The following KCNMA1 variants were observed in gnomAD, a reference collection of about 807,000 sequenced individuals.
KCNMA1 encodes the protein Calcium-activated potassium channel subunit alpha-1.
In KCNMA1, 29 loss-of-function variants were observed where a neutral mutation model predicts 140.0. The ratio of observed to expected loss-of-function variants is 0.21; its 90% CI spans 0.15 to 0.28. KCNMA1 has a LOEUF of 0.28. Among genes scored for constraint, KCNMA1 ranks in the 10% least tolerant of loss-of-function variants. The probability of loss-of-function intolerance (pLI) is 1.00; values close to 1 mark genes in which losing one functional copy is unlikely to be tolerated. For missense variants in KCNMA1, 880 were observed against 1,602.2 expected, an observed-to-expected ratio of 0.55 and a Z score of 7.70; for synonymous variants, 612 against 611.9, an observed-to-expected ratio of 1.00 and a Z score of 0.00.
intron 1 of KCNMA1, among the ~76,000 whole-genome samples, chr10:77,474,923 C>T (rs528086658): frequency 6.6e-6 from 1 of 152,232 alleles, no homozygotes; most frequent in South Asian, 2.1e-4. Context: ...CCAGGACTAA[C>T]AATTTTGCCC....
intron 18 of KCNMA1, among the ~76,000 whole-genome samples, chr10:77,005,185 T>C (rs555519305): frequency 1.2e-4 from 19 of 152,228 alleles, no homozygotes; most frequent in Admixed American, 3.9e-4. Flanking sequence ...CTAGCCTTTC[T>C]CCAAAAGGAG....
chr10:77,004,865 A>G (rs1215320905), intron 18 of KCNMA1, among the ~76,000 whole-genome samples: 3 of 152,144 alleles, frequency 2.0e-5, no homozygotes, highest in Non-Finnish European at 2.9e-5. Context: ...TTTAGGTTAG[A>G]AGGTTAATTT....
At chr10:77,317,244 G>A (rs144112210) in intron 2 of KCNMA1, among the ~76,000 whole-genome samples, 10 of 152,246 alleles carry the variant, frequency 6.6e-5, no homozygotes, top group Non-Finnish European at 8.8e-5. Context: ...CTGACTCACC[G>A]AATGTAGTCT....
chr10:77,535,299 A>C (rs781363794), intron 1 of KCNMA1, among the ~76,000 whole-genome samples: 2 of 152,206 alleles, frequency 1.3e-5, no homozygotes, highest in Admixed American at 6.5e-5. Context: ...GATTTGGTCC[A>C]AGAAGTTTAT....
chr10:76,928,663 A>T (rs2058449389), intron 23 of KCNMA1, among the ~76,000 whole-genome samples: 1 of 150,526 alleles, frequency 6.6e-6, no homozygotes, highest in South Asian at 2.1e-4. Context: ...ATGGCTAAAG[A>T]TAAAGTATGG....
At chr10:77,015,892 T>C (rs1232965376) in intron 17 of KCNMA1, among the ~76,000 whole-genome samples, 2 of 152,288 alleles carry the variant, frequency 1.3e-5, no homozygotes, top group Non-Finnish European at 2.9e-5. Flanking sequence ...ATCTCTCACC[T>C]AAACTATGCA....
At chr10:77,620,847 C>T (rs2091135761) in intron 1 of KCNMA1, among the ~76,000 whole-genome samples, 1 of 152,132 alleles carries the variant, frequency 6.6e-6, no homozygotes, top group Admixed American at 6.5e-5. Flanking sequence ...CTAGAAAAGA[C>T]AATGTATATG....
chr10:76,994,601 G>A (rs1034056660), intron 19 of KCNMA1, among the ~76,000 whole-genome samples: 1 of 152,158 alleles, frequency 6.6e-6, no homozygotes, highest in Non-Finnish European at 1.5e-5. Flanking sequence ...AGCCTCAAAA[G>A]AGAAACATAA....
intron 1 of KCNMA1, among the ~76,000 whole-genome samples, chr10:77,449,054 T>C (rs1209936812): frequency 2.7e-5 from 4 of 148,506 alleles, no homozygotes; most frequent in Non-Finnish European, 5.9e-5. Flanking sequence ...ATCACTGCAC[T>C]CCAGCCTGGG....
At chr10:77,024,926 G>A (rs536012134) in intron 16 of KCNMA1, among the ~76,000 whole-genome samples, 53 of 152,064 alleles carry the variant, frequency 3.5e-4, no homozygotes, top group African/African-American at 1.2e-3. Context: ...CAAGAAACTC[G>A]ACACAGGGAG....
intron 1 of KCNMA1, among the ~76,000 whole-genome samples, chr10:77,500,387 C>G (rs984412428): frequency 6.6e-6 from 1 of 152,128 alleles, no homozygotes; most frequent in African/African-American, 2.4e-5. Flanking sequence ...GAGGCTCACA[C>G]CTGTAATCCC....
intron 1 of KCNMA1, among the ~76,000 whole-genome samples, chr10:77,618,219 C>CCA (rs1400138059): frequency 3.9e-5 from 6 of 152,182 alleles, no homozygotes; most frequent in Non-Finnish European, 8.8e-5. Context: ...ACTGCACCCT[C>CCA]CACACACACC....
intron 2 of KCNMA1, among the ~76,000 whole-genome samples, chr10:77,285,457 T>C (rs1056727123): frequency 6.6e-6 from 1 of 152,230 alleles, no homozygotes; most frequent in Admixed American, 6.5e-5. Flanking sequence ...AACATGCATC[T>C]ATTTTCTACA....
chr10:77,635,613 G>C (rs1180184324), intron 1 of KCNMA1: 1 of 152,242 alleles, frequency 6.6e-6, no homozygotes, highest in Non-Finnish European at 1.5e-5. Context: ...CAGCAGGAAG[G>C]CTAGTCAGGG....
chr10:77,034,221 G>A (rs565266300), intron 15 of KCNMA1, among the ~76,000 whole-genome samples: 2 of 147,206 alleles, frequency 1.4e-5, no homozygotes, highest in South Asian at 4.3e-4. Context: ...TCGAGCTTGG[G>A]CTACAGAGTG....
At chr10:77,405,468 G>C (rs1248072343) in intron 1 of KCNMA1, among the ~76,000 whole-genome samples, 1 of 152,132 alleles carries the variant, frequency 6.6e-6, no homozygotes, top group African/African-American at 2.4e-5. Flanking sequence ...TAGCTACAAA[G>C]GCTGGGTTTA....
At chr10:77,549,354 C>T (rs2062194328) in intron 1 of KCNMA1, among the ~76,000 whole-genome samples, 1 of 152,234 alleles carries the variant, frequency 6.6e-6, no homozygotes, top group Admixed American at 6.5e-5. Context: ...GGAAGTCTCT[C>T]TCCCTAGATG....
intron 23 of KCNMA1, among the ~76,000 whole-genome samples, chr10:76,929,249 A>T (rs1011021134): frequency 2.0e-5 from 3 of 152,164 alleles, no homozygotes; most frequent in African/African-American, 7.2e-5. Context: ...TAAGTGTGAA[A>T]CCTCAACCCT....
chr10:77,566,987 G>T (rs1271971603), intron 1 of KCNMA1, among the ~76,000 whole-genome samples: 2 of 152,156 alleles, frequency 1.3e-5, no homozygotes, highest in African/African-American at 4.8e-5. Flanking sequence ...CCTGTGGCTA[G>T]TTTTACCTTG....
Sources: allele counts gnomAD v4.1 joint callset (sites outside exome capture counted in the v4.1 genomes callset), GRCh38; gene constraint gnomAD v4.1.1; transcripts MANE v1.5; gene names NCBI Gene and HGNC (gene_info 2026-07-23, HGNC 2026-07-21).